The following CDC23 variants were observed in gnomAD, a reference collection of about 807,000 sequenced individuals.
CDC23 encodes the protein cell division cycle 23.
In CDC23, 26 loss-of-function variants were observed where a neutral mutation model predicts 81.7. That is an observed-to-expected ratio of 0.32 (90% confidence interval 0.23 to 0.44). CDC23 has a LOEUF of 0.44. CDC23 is among the 20% of genes least tolerant of loss of function. The pLI, the probability that CDC23 is intolerant of heterozygous loss-of-function variation, is 1.00. For synonymous variants in CDC23, 267 were observed against 270.8 expected (o/e 0.99, Z 0.14); for missense variants, 519 against 728.0 (o/e 0.71, Z 3.30).
In CDC23 at chr5:138,205,833, C is replaced by T. The variant is rs1375204313; in HGVS notation, c.372+714G>A. 2.0e-5 allele frequency: 3 copies of T among 152,026 alleles called. No individual in the cohort carries two copies. In the East Asian group the frequency reaches 5.8e-4, roughly 29 times the overall value. 9.4% of individuals were successfully genotyped at this position (152,026 alleles called of 1,614,324 possible). On this transcript the variant is annotated intron_variant, in intron 3 of 15. Transcript: ENST00000394886. Reference sequence around the variant, plus strand: ...CTGAAATCTGCATTGCTCCAAAACCCAAAACTTTTTCAGCACCAATGACAC... The same window carrying T: ...CTGAAATCTGCATTGCTCCAAAACCTAAAACTTTTTCAGCACCAATGACAC...
intron 9 of CDC23, 70 bp from the exon 10 acceptor site, chr5:138,192,727 C>A: frequency 7.1e-7 from 1 of 1,414,360 alleles, no homozygotes; most frequent in African/African-American, 1.4e-5. Context: ...AAATAGATAG[C>A]ATTCCACCAA....
At position 138,192,234 on chromosome 5, in the gene CDC23, C is replaced by A. The variant is rs1754834768; in HGVS notation, c.1286+35G>T. 3 of 1,613,022 alleles carry A rather than the reference C, an allele frequency of 1.9e-6. No individual in the cohort carries two copies. In the African/African-American group the frequency reaches 4.0e-5, roughly 22 times the overall value. On this transcript the variant is annotated intron_variant, in intron 11 of 15. Coordinates refer to ENST00000394886, the MANE Select transcript of CDC23 (RefSeq NM_004661.4). Reference sequence around the variant, plus strand: ...AGGAAAAAAAAGTTATTAGCCCTTCCCATATCAGACGCATTGTCAAGTGAC... The same window carrying A: ...AGGAAAAAAAAGTTATTAGCCCTTCACATATCAGACGCATTGTCAAGTGAC...
chr5:138,205,029 C>A (rs1004299386), intron 3 of CDC23, among the ~76,000 whole-genome samples: 2 of 152,006 alleles, frequency 1.3e-5, no homozygotes, highest in East Asian at 3.9e-4. Context: ...ATCCTCCTAT[C>A]TCAGCCTCCC....
At chr5:138,211,241 T>A (rs547860824) in intron 2 of CDC23, among the ~76,000 whole-genome samples, 3 of 152,270 alleles carry the variant, frequency 2.0e-5, no homozygotes, top group African/African-American at 7.2e-5. Context: ...GAGGCCATTA[T>A]CCAAAGTGAA....
intron 2 of CDC23, among the ~76,000 whole-genome samples, chr5:138,211,272 C>T (rs1755110008): frequency 1.3e-5 from 2 of 152,158 alleles, no homozygotes; most frequent in Admixed American, 6.5e-5. Context: ...AATAGAAACC[C>T]AAATACAGCA....
At chr5:138,199,963 C>T (rs183534836) in intron 6 of CDC23, among the ~76,000 whole-genome samples, 28 of 152,316 alleles carry the variant, frequency 1.8e-4, no homozygotes, top group African/African-American at 6.0e-4. Flanking sequence ...CCATTAACTA[C>T]TGAAGAACAG....
chr5:138,206,756 C>A, intron 2 of CDC23, 72 bp from the exon 3 acceptor site: 2 of 1,423,096 alleles, frequency 1.4e-6, no homozygotes, highest in Middle Eastern at 1.8e-4. Flanking sequence ...AAAGTATATT[C>A]GTTAATTTCA....
Position 138,198,726 on chromosome 5 carries a change from T to C in CDC23, c.711A>G (p.Ile237Met), listed in dbSNP as rs981504598. The change falls in exon 7 of 16, where the codon ATA (isoleucine) becomes ATG (methionine). Residue 237 changes from isoleucine (I) to methionine (M), a missense_variant. Coordinates refer to ENST00000394886, the MANE Select transcript of CDC23 (RefSeq NM_004661.4). ...TWMKEFFLAH[I>M]YTELQLIEEA... is the part of the protein sequence containing the mutation. ...CCTCTATCAACTGCAACTCTGTGTA[T>C]ATATGAGCCAGAAAAAACTCTTTCA... The C allele has an allele frequency of 5.6e-6, 9 of 1,614,066 alleles. No individual in the cohort carries two copies. Among genetic ancestry groups the C allele is most frequent in the African/African-American group, 1.3e-5 (1 of 74,936 alleles).
chr5:138,198,711 C>T lies in CDC23; in HGVS notation c.726G>A (p.Gln242=), dbSNP rs1427412842. The change falls in exon 7 of 16, where the codon CAG becomes CAA. Residue 242 remains glutamine (Q), a synonymous_variant. Transcript: ENST00000394886. ...FFLAHIYTEL[Q]LIEEALQKYQ... is the part of the protein sequence containing the mutation. ...ACTTTTGCAGGGCCTCCTCTATCAA[C>T]TGCAACTCTGTGTATATATGAGCCA... The T allele has an allele frequency of 6.2e-7, 1 of 1,614,190 alleles. No homozygotes were observed. Among genetic ancestry groups the T allele is most frequent in the South Asian group, 1.1e-5 (1 of 91,084 alleles).
At chr5:138,210,793 TATATA>T (rs760652718) in intron 2 of CDC23, among the ~76,000 whole-genome samples, 1 of 152,344 alleles carries the variant, frequency 6.6e-6, no homozygotes, top group Non-Finnish European at 1.5e-5. Context: ...AAAATCCCTG[TATATA>T]ATACAAACCC....
Position 138,199,051 on chromosome 5 carries a change from GA to G in CDC23, c.655-270del, listed in dbSNP as rs369012617. On this transcript the variant is annotated intron_variant, in intron 6 of 15. Transcript: ENST00000394886. ...AGGATTTGAATACAAAAGGGGAGAG[GA>G]AGAGAAAGAAGACAATAGTCTAGAC... 1.8e-4 allele frequency among the ~76,000 whole-genome samples: 27 copies of G among 152,230 alleles called. No homozygotes were observed. The East Asian group carries it at 5.0e-3, about 28-fold the overall frequency.
rs544095600 is a variant in CDC23 at position 138,200,122 on chromosome 5, T to TTTTG, written c.654+981_654+984dup. On this transcript the variant is annotated intron_variant, in intron 6 of 15. Transcript: ENST00000394886. ...CAGCTCAGAAGAGGCCTGAACAATT[T>TTTTG]TTTGTTTGTTTGTTTGTTTGTTTGT... Among the ~76,000 whole-genome samples, 279 of 152,140 alleles carry TTTTG rather than the reference T, an allele frequency of 1.8e-3. 1 individual carries two copies. The highest frequency in any genetic ancestry group is 5.8e-3 in the East Asian group (30 of 5,174).
chr5:138,195,739 A>T (rs190868350), intron 9 of CDC23, among the ~76,000 whole-genome samples: 1,466 of 55,580 alleles, frequency 0.026, 25 homozygotes, highest in African/African-American at 0.072. Flanking sequence ...TATACATATA[A>T]TATATATGTA....
chr5:138,201,961 T>C, intron 4 of CDC23, 152 bp downstream of exon 4: 1 of 602,870 alleles, frequency 1.7e-6, no homozygotes, highest in Non-Finnish European at 3.0e-6. Flanking sequence ...CCCTCAGCTA[T>C]AGCTGGGTAC....
In CDC23 at chr5:138,189,783, A is replaced by G. The variant is rs370900976; in HGVS notation, c.1504-31T>C. 3.3e-4 allele frequency: 540 copies of G among 1,612,888 alleles called. 3 individuals are homozygous for G. Among genetic ancestry groups the G allele is most frequent in the Non-Finnish European group, 4.4e-4 (517 of 1,179,158 alleles). ...AAGGGAAAGCAAAATTACTGAGGTG[A>G]CAGTAATAATATCAGCAGTACAATT... On this transcript the variant is annotated intron_variant, in intron 14 of 15. Coordinates refer to ENST00000394886, the MANE Select transcript of CDC23 (RefSeq NM_004661.4).
chr5:138,192,350 C>G lies in CDC23; in HGVS notation c.1205G>C (p.Trp402Ser), dbSNP rs1298654765. Reference sequence around the variant, plus strand: ...TTCATAGGTCTGCCCGAGGCCATACCAAGCTCTGTAGTCCCGTTTGTTGAC... The same window carrying G: ...TTCATAGGTCTGCCCGAGGCCATACGAAGCTCTGTAGTCCCGTTTGTTGAC... ...IEVNKRDYRA[W>S]YGLGQTYEIL... The change falls in exon 11 of 16, where the codon TGG becomes TCG. Residue 402 changes from tryptophan to serine, a missense_variant. By Grantham distance (177) the Trp-to-Ser change is radical. Around this residue, in one of 4 missense-constraint regions of CDC23, gnomAD observed 175 missense variants for 337.8 expected, o/e 0.52. Transcript: ENST00000394886. 1 of 1,614,182 alleles carries G rather than the reference C, an allele frequency of 6.2e-7. No individual in the cohort carries two copies. The highest frequency in any genetic ancestry group is 1.1e-5 in the South Asian group (1 of 91,084).
chr5:138,198,473 A>C lies in CDC23; in HGVS notation c.883T>G (p.Tyr295Asp). ...IFNELRKQDP[Y>D]RIENMDTFSN... ...AATGTGTCCATATTTTCAATCCTGT[A>C]AGGGTCTTGTTTCCTTAGCTCATTA... Residue 295 changes from tyrosine to aspartate, a missense_variant, in exon 8 of 16, where the codon TAC becomes GAC. Physicochemically the swap from Tyr to Asp is radical, Grantham distance 160. Coordinates refer to ENST00000394886, the MANE Select transcript of CDC23 (RefSeq NM_004661.4). 1 of 1,614,164 alleles carries C rather than the reference A, an allele frequency of 6.2e-7. No homozygotes were observed. The highest frequency in any genetic ancestry group is 8.5e-7 in the Non-Finnish European group (1 of 1,180,008).
At position 138,190,172 on chromosome 5, in the gene CDC23, A is replaced by C. The variant is rs1754810241; in HGVS notation, c.1425-266T>G. The C allele has an allele frequency of 1.8e-5, 8 of 436,362 alleles. No individual in the cohort carries two copies. In the Middle Eastern group the frequency reaches 2.7e-3, roughly 147 times the overall value. 27.0% of individuals were successfully genotyped at this position (436,362 alleles called of 1,614,324 possible). A position where few individuals can be genotyped will look rare whatever the true frequency, so the allele number is the denominator to read the frequency against. On this transcript the variant is annotated intron_variant, in intron 13 of 15. Coordinates refer to ENST00000394886, the MANE Select transcript of CDC23 (RefSeq NM_004661.4). ...ACCATCCTTGCAAAAATTATCTAGT[A>C]ATACCCAGAGTAAAGTGGCTCATGC...
chr5:138,212,963 G>A, intron 2 of CDC23, 28 bp downstream of exon 2: 1 of 1,599,150 alleles, frequency 6.3e-7, no homozygotes, highest in Non-Finnish European at 8.6e-7. Flanking sequence ...GGGTTGATGG[G>A]GAGCGCTCAC....
Sources: gnomAD v4.1 joint callset for allele counts (sites outside exome capture counted in the v4.1 genomes callset) on GRCh38, gnomAD v4.1.1 for gene constraint, gnomAD v4.1.1 regional missense constraint, MANE v1.5 for transcripts, NCBI Gene and HGNC (gene_info 2026-07-23, HGNC 2026-07-21) for gene names.